The following RANBP2 variants were observed in gnomAD, a reference collection of about 807,000 sequenced individuals.
RANBP2 encodes E3 SUMO-protein ligase RanBP2.
Under a neutral mutation model 303.6 loss-of-function variants are expected in RANBP2, and 57 were observed. That is an observed-to-expected ratio of 0.19 (90% CI 0.15 to 0.23). The LOEUF (loss-of-function observed/expected upper bound fraction) is 0.23. Ranked by LOEUF, RANBP2 falls within the 10% of genes least tolerant of loss-of-function variation. The pLI is 1.00. For missense variants in RANBP2, 3,138 were observed against 3,780.8 expected, an observed-to-expected ratio of 0.83 and a Z score of 4.46; for synonymous variants, 1,167 against 1,301.5, an observed-to-expected ratio of 0.90 and a Z score of 2.23.
chr2:109,545,528 C>T, the RANBP2 span: 34 of 1,535,860 alleles, frequency 2.2e-5, no homozygotes, highest in East Asian at 3.2e-4. Flanking sequence ...GAGTTCGAAT[C>T]GACAGCCTGG....
chr2:109,364,423 T>G, the RANBP2 span, among the ~76,000 whole-genome samples: 3 of 152,254 alleles, frequency 2.0e-5, no homozygotes, highest in African/African-American at 7.2e-5. Flanking sequence ...TCATAGTTGT[T>G]TTGTATCCGT....
At chr2:109,624,363 C>A in the RANBP2 span, among the ~76,000 whole-genome samples, 2 of 152,184 alleles carry the variant, frequency 1.3e-5, no homozygotes, top group Non-Finnish European at 1.5e-5. Flanking sequence ...AAGAATCAAC[C>A]GCTTTTACTA....
the RANBP2 span, among the ~76,000 whole-genome samples, chr2:108,824,573 G>C: frequency 4.6e-5 from 7 of 152,230 alleles, no homozygotes; most frequent in South Asian, 1.2e-3. Flanking sequence ...TGAAGGACCT[G>C]CCTGAGGCTG....
chr2:108,719,692 G>C lies in RANBP2; in HGVS notation c.72+14G>C. Reference sequence around the variant, plus strand: ...TCGCCTCGACAGGTGAGTGGGTCTCGAAGAGACCGACGGCCTCGACCTGGC... The same window carrying C: ...TCGCCTCGACAGGTGAGTGGGTCTCCAAGAGACCGACGGCCTCGACCTGGC... On this transcript the variant is annotated intron_variant, in intron 1 of 28. Transcript: ENST00000283195. 7 of 1,594,126 alleles carry C rather than the reference G, an allele frequency of 4.4e-6. No individual in the cohort carries two copies. The highest frequency in any genetic ancestry group is 6.0e-6 in the Non-Finnish European group (7 of 1,171,942).
the RANBP2 span, among the ~76,000 whole-genome samples, chr2:109,280,275 C>T: frequency 3.9e-5 from 6 of 152,288 alleles, no homozygotes; most frequent in African/African-American, 4.8e-5. Flanking sequence ...TGGAAGGAAA[C>T]GCAGAGGCCT....
At chr2:109,731,734 A>G in the RANBP2 span, among the ~76,000 whole-genome samples, 1 of 151,694 alleles carries the variant, frequency 6.6e-6, no homozygotes, top group Non-Finnish European at 1.5e-5. Flanking sequence ...TGATCCCCCC[A>G]GCCTCGGCCT....
At chr2:109,613,960 G>A in the RANBP2 span, 36 of 1,208,462 alleles carry the variant, frequency 3.0e-5, no homozygotes, top group African/African-American at 7.9e-5. Flanking sequence ...TCCGCGACGG[G>A]GAAGGGACAG....
rs1404439937 is a variant in RANBP2 at position 108,730,908 on chromosome 2, A to G, written c.252+23A>G. ...AGGGTAAGTTACAGGATTCAAATAT[A>G]GCCTTTGCATAGCCAAACACATGAT... On this transcript the variant is annotated intron_variant, in intron 3 of 28. Coordinates refer to ENST00000283195, the MANE Select transcript of RANBP2 (RefSeq NM_006267.5). The G allele has an allele frequency of 6.2e-6, 10 of 1,611,424 alleles. 1 individual carries two copies. In the East Asian group the frequency reaches 2.2e-4, roughly 36 times the overall value.
the RANBP2 span, among the ~76,000 whole-genome samples, chr2:109,692,887 C>T: frequency 4.1e-5 from 6 of 147,362 alleles, no homozygotes; most frequent in South Asian, 2.2e-4. Flanking sequence ...GGTGCGATCT[C>T]GGCTCTCTGC....
At chr2:109,302,274 A>ATT in the RANBP2 span, among the ~76,000 whole-genome samples, 1 of 151,992 alleles carries the variant, frequency 6.6e-6, no homozygotes, top group East Asian at 1.9e-4. Flanking sequence ...ATCCTGGGGC[A>ATT]TTTTTTTGTG....
In RANBP2 at chr2:108,763,472, C is replaced by G. The variant is rs375243411; in HGVS notation, c.2933C>G (p.Pro978Arg). 1 of 1,614,046 alleles carries G rather than the reference C, an allele frequency of 6.2e-7. No homozygotes were observed. Among genetic ancestry groups the G allele is most frequent in the African/African-American group, 1.3e-5 (1 of 75,002 alleles). The change falls in exon 20 of 29, where the codon CCA (proline) becomes CGA (arginine). Residue 978 changes from proline (P) to arginine (R), a missense_variant. Physicochemically the swap from Pro to Arg is moderately radical, Grantham distance 103 (BLOSUM62 -2). Around this residue, in one of 20 missense-constraint regions of RANBP2, gnomAD observed 403 missense variants for 376.7 expected, o/e 1.07. Coordinates refer to ENST00000283195, the MANE Select transcript of RANBP2 (RefSeq NM_006267.5). ...QTSTNPPLPE[P>R]GYFTKPPIAA... ...AGCACAAATCCACCTTTGCCAGAAC[C>G]AGGATATTTCACAAAACCTCCGATT...
At chr2:108,926,768 T>G in the RANBP2 span, among the ~76,000 whole-genome samples, 1 of 152,214 alleles carries the variant, frequency 6.6e-6, no homozygotes, top group Non-Finnish European at 1.5e-5. Flanking sequence ...GAGAAGCACC[T>G]GCCAAACCGC....
chr2:109,033,420 A>G, the RANBP2 span, among the ~76,000 whole-genome samples: 6 of 152,264 alleles, frequency 3.9e-5, no homozygotes, highest in African/African-American at 1.4e-4. Context: ...CAGAAAGCCA[A>G]TCACAGAGAT....
At chr2:109,230,707 G>A in the RANBP2 span, among the ~76,000 whole-genome samples, 1 of 152,340 alleles carries the variant, frequency 6.6e-6, no homozygotes, top group Admixed American at 6.5e-5. Flanking sequence ...CATCAGCTAT[G>A]TCACCAGCAT....
At chr2:108,719,761 G>A in intron 1 of RANBP2, 83 bp downstream of exon 1, 1 of 1,541,146 alleles carries the variant, frequency 6.5e-7, no homozygotes, top group Admixed American at 2.0e-5. Flanking sequence ...GCTCCCGACG[G>A]GCGCTGCTCC....
chr2:109,337,670 T>TCAGCATATGCCGTATGCTAC, the RANBP2 span, among the ~76,000 whole-genome samples: 3 of 152,056 alleles, frequency 2.0e-5, no homozygotes, highest in African/African-American at 7.2e-5. Context: ...CCATATGCTA[T>TCAGCATATGCCGTATGCTAC]CAGCATATGC....
the RANBP2 span, among the ~76,000 whole-genome samples, chr2:109,117,013 C>T: frequency 5.3e-5 from 8 of 152,248 alleles, no homozygotes; most frequent in East Asian, 3.9e-4. Flanking sequence ...GAGGAGTACC[C>T]GGCCGTGTGA....
the RANBP2 span, among the ~76,000 whole-genome samples, chr2:109,238,650 G>T: frequency 6.6e-6 from 1 of 152,166 alleles, no homozygotes; most frequent in Non-Finnish European, 1.5e-5. Context: ...AACCCAGAGT[G>T]TGATGAATGG....
the RANBP2 span, chr2:109,613,195 C>T: frequency 7.8e-7 from 1 of 1,286,996 alleles, no homozygotes; most frequent in South Asian, 1.2e-5. Context: ...AAACCGCTGG[C>T]TTACTAACAA....
Sources: allele counts gnomAD v4.1 joint callset (sites outside exome capture counted in the v4.1 genomes callset), GRCh38; gene constraint gnomAD v4.1.1; regional missense constraint gnomAD v4.1.1; transcripts MANE v1.5; gene names NCBI Gene and HGNC (gene_info 2026-07-23, HGNC 2026-07-21).